The following RELN variants were observed in gnomAD, a reference collection of about 807,000 sequenced individuals.
RELN encodes reelin.
Under a neutral mutation model 427.6 loss-of-function variants are expected in RELN, and 108 were observed. That is an observed-to-expected ratio of 0.25 (90% CI 0.22 to 0.30). RELN has a LOEUF of 0.30. Among genes scored for constraint, RELN ranks in the 10% least tolerant of loss-of-function variants. RELN has a pLI of 1.00. For missense variants in RELN, 3,715 were observed against 4,302.8 expected, an observed-to-expected ratio of 0.86 and a Z score of 3.82; for synonymous variants, 1,524 against 1,513.4, an observed-to-expected ratio of 1.01 and a Z score of -0.16.
chr7:103,861,658 C>T (rs922902735), intron 2 of RELN, among the ~76,000 whole-genome samples: 1 of 152,050 alleles, frequency 6.6e-6, no homozygotes, highest in Admixed American at 6.6e-5. Flanking sequence ...TGCGAAGAGA[C>T]CCAGAAAGGT....
intron 1 of RELN, among the ~76,000 whole-genome samples, chr7:103,985,191 A>T (rs147319509): frequency 9.5e-4 from 145 of 152,280 alleles, no homozygotes; most frequent in Middle Eastern, 3.4e-3. Context: ...GCATGAAAAA[A>T]TTACCAATAG....
At position 103,728,119 on chromosome 7, in the gene RELN, G is replaced by A; in HGVS notation, c.745C>T (p.Arg249Ter). The A allele has an allele frequency of 6.2e-7, 1 of 1,613,628 alleles. No individual in the cohort carries two copies. Among genetic ancestry groups the A allele is most frequent in the Non-Finnish European group, 8.5e-7 (1 of 1,179,772 alleles). ...GAATAGCACATACTTACCAGTTCTC[G>A]TGGGCCATATGGTTCACAGAAGGTG... ...AVTFCEPYGPRELITTGLNTT... is the reference protein window; with the variant it reads ...AVTFCEPYGP The change falls in exon 7 of 65, where the codon CGA (arginine) becomes TGA (stop). Residue 249 changes from arginine (R) to a stop codon, truncating the protein, a stop_gained. Coordinates refer to ENST00000428762, the MANE Select transcript of RELN (RefSeq NM_005045.4). LOFTEE classifies it high-confidence loss of function.
At chr7:103,728,065 A>G (rs772915518) in intron 7 of RELN, 46 bp downstream of exon 7, 2 of 1,588,764 alleles carry the variant, frequency 1.3e-6, no homozygotes, top group Non-Finnish European at 1.7e-6. Flanking sequence ...CAAAAAGCTC[A>G]GTAAATACTA....
chr7:103,625,162 G>A (rs985786738), intron 20 of RELN, among the ~76,000 whole-genome samples: 2 of 152,130 alleles, frequency 1.3e-5, no homozygotes, highest in Admixed American at 6.5e-5. Context: ...AGGCTTTTAG[G>A]ATCCTTCAGG....
chr7:103,606,501 G>A (rs577593957), intron 22 of RELN, among the ~76,000 whole-genome samples: 2 of 152,228 alleles, frequency 1.3e-5, no homozygotes, highest in East Asian at 1.9e-4. Context: ...AAAAGGTTTA[G>A]GCAAACTAAT....
chr7:103,721,665 TATTAGA>T (rs1246540638), intron 8 of RELN, among the ~76,000 whole-genome samples: 2 of 152,154 alleles, frequency 1.3e-5, no homozygotes, highest in Non-Finnish European at 2.9e-5. Context: ...GTACAAATAA[TATTAGA>T]ATTAGGAGAC....
In RELN at chr7:103,486,238, G is replaced by C. The variant is rs1828435651; in HGVS notation, c.9942C>G (p.Ile3314Met). 6.2e-7 allele frequency: 1 copy of C among 1,613,874 alleles called. No individual in the cohort carries two copies. Among genetic ancestry groups the C allele is most frequent in the Non-Finnish European group, 8.5e-7 (1 of 1,180,032 alleles). ...CCAGAGGCTTGGTAGCTGCTTGCCT[G>C]ATCTGACAGCCATTAAAGTACAGTG... ...GDSLYFNGCQ[I>M]RQAATKPLDL... Residue 3314 changes from isoleucine to methionine, a missense_variant, in exon 61 of 65, where the codon ATC (isoleucine) becomes ATG (methionine). Physicochemically the swap from Ile to Met is conservative, Grantham distance 10. Around this residue, in one of 4 missense-constraint regions of RELN, gnomAD observed 195 missense variants for 281.3 expected, o/e 0.69. Transcript: ENST00000428762.
At chr7:103,479,447 G>T (rs1044569755) in intron 63 of RELN, among the ~76,000 whole-genome samples, 5 of 152,152 alleles carry the variant, frequency 3.3e-5, no homozygotes, top group African/African-American at 1.2e-4. Flanking sequence ...AAGCTAGTGA[G>T]GCTGGAAAAA....
At chr7:103,491,844 TCTCTCTCTCTCTCACACACACA>T (rs1828668244) in intron 58 of RELN, 87 bp downstream of exon 58, 5 of 628,130 alleles carry the variant, frequency 8.0e-6, no homozygotes, top group Non-Finnish European at 1.1e-5. Flanking sequence ...TCTCTCTCTC[TCTCTCTCTCTCTCACACACACA>T]CACACACACA....
chr7:103,549,353 C>G (rs1006284271), intron 41 of RELN, among the ~76,000 whole-genome samples: 1 of 152,160 alleles, frequency 6.6e-6, no homozygotes, highest in African/African-American at 2.4e-5. Flanking sequence ...ACTGGGGTCT[C>G]TTTTATAAGG....
chr7:103,673,557 T>C (rs1833441566), intron 11 of RELN, among the ~76,000 whole-genome samples: 1 of 152,204 alleles, frequency 6.6e-6, no homozygotes, highest in Non-Finnish European at 1.5e-5. Flanking sequence ...CTACTCTTTC[T>C]TGAATATCTC....
chr7:103,495,365 T>C (rs758519778), intron 57 of RELN, among the ~76,000 whole-genome samples: 1 of 152,096 alleles, frequency 6.6e-6, no homozygotes, highest in Non-Finnish European at 1.5e-5. Context: ...TTTTGCCGTG[T>C]TGGCCAGGCT....
chr7:103,540,301 T>G lies in RELN; in HGVS notation c.6826A>C (p.Ile2276Leu). The G allele has an allele frequency of 1.2e-6, 2 of 1,614,114 alleles. No homozygotes were observed. The highest frequency in any genetic ancestry group is 1.7e-6 in the Non-Finnish European group (2 of 1,180,018). The change falls in exon 44 of 65, where the codon ATT (isoleucine) becomes CTT (leucine). Residue 2276 changes from isoleucine to leucine, a missense_variant. By Grantham distance (5) the Ile-to-Leu change is conservative. Coordinates refer to ENST00000428762, the MANE Select transcript of RELN (RefSeq NM_005045.4). ...FSNSSNVGRY[I>L]ALEIPLKARS... ...GCTTTCAAGGGTATCTCCAGGGCAA[T>G]GTACCTGCCCACATTGCTGGAATTG...
intron 3 of RELN, among the ~76,000 whole-genome samples, chr7:103,779,864 A>C (rs937415800): frequency 6.6e-6 from 1 of 152,100 alleles, no homozygotes; most frequent in Non-Finnish European, 1.5e-5. Context: ...AGTAGCTGGG[A>C]CTACAGGCCT....
intron 2 of RELN, among the ~76,000 whole-genome samples, chr7:103,852,563 C>T (rs1793849325): frequency 6.6e-6 from 1 of 152,096 alleles, no homozygotes; most frequent in Non-Finnish European, 1.5e-5. Context: ...TACTATATTG[C>T]TAAAACTTTT....
At chr7:103,664,912 T>C (rs974948506) in intron 11 of RELN, among the ~76,000 whole-genome samples, 3 of 152,126 alleles carry the variant, frequency 2.0e-5, no homozygotes, top group Admixed American at 1.3e-4. Context: ...TTTCACTTTG[T>C]TTATGTGTCG....
rs1434928360 is a variant in RELN at position 103,596,513 on chromosome 7, C to T, written c.3482G>A (p.Gly1161Glu). ...TGCTAGCAGGTGCCACTGGATGCCC[C>T]CATTGTTGCTGTACTGAAGGAGGAC... Reference protein sequence around the residue: ...EGVLLQYSNNGGIQWHLLAEM... With the variant: ...EGVLLQYSNNEGIQWHLLAEM... Residue 1161 changes from glycine to glutamate, a missense_variant, in exon 25 of 65, where the codon GGG becomes GAG. This residue lies in a region of RELN where 2,208 missense variants were observed against 2,361.7 expected (regional missense o/e 0.93). Coordinates refer to ENST00000428762, the MANE Select transcript of RELN (RefSeq NM_005045.4). 1.2e-6 allele frequency: 2 copies of T among 1,613,946 alleles called. No homozygotes were observed. Among genetic ancestry groups the T allele is most frequent in the Admixed American group, 1.7e-5 (1 of 59,990 alleles).
chr7:103,611,098 G>A (rs1369118705), intron 21 of RELN, among the ~76,000 whole-genome samples: 1 of 152,144 alleles, frequency 6.6e-6, no homozygotes, highest in African/African-American at 2.4e-5. Context: ...TTTTAGGCCT[G>A]TTATCGTAAC....
intron 5 of RELN, 64 bp downstream of exon 5, chr7:103,753,118 C>G: frequency 6.5e-7 from 1 of 1,534,246 alleles, no homozygotes; most frequent in Non-Finnish European, 9.0e-7. Context: ...GCTCGTATAG[C>G]CAGAAAAGCC....
Sources: allele counts gnomAD v4.1 joint callset (sites outside exome capture counted in the v4.1 genomes callset), GRCh38; gene constraint gnomAD v4.1.1; regional missense constraint gnomAD v4.1.1; transcripts MANE v1.5; gene names NCBI Gene and HGNC (gene_info 2026-07-23, HGNC 2026-07-21).